HELLS: variants seen among roughly 807,000 people sequenced by gnomAD.
HELLS encodes the protein helicase, lymphoid specific.
A neutral mutation model predicts 120.0 loss-of-function variants in HELLS; 32 were observed. The ratio of observed to expected loss-of-function variants is 0.27; its 90% CI spans 0.20 to 0.36. The LOEUF (loss-of-function observed/expected upper bound fraction) is 0.36, where lower values mean the gene tolerates loss of function less well. Ranked by LOEUF, HELLS falls within the 10% of genes least tolerant of loss-of-function variation. The pLI, the probability that HELLS is intolerant of heterozygous loss-of-function variation, is 1.00. For synonymous variants in HELLS, 341 were observed against 323.4 expected (o/e 1.05, Z -0.58); for missense variants, 650 against 993.4 (o/e 0.65, Z 4.65).
chr10:94,549,263 T>C (rs1842873893), intron 2 of HELLS, among the ~76,000 whole-genome samples: 1 of 152,182 alleles, frequency 6.6e-6, no homozygotes, highest in African/African-American at 2.4e-5. Flanking sequence ...AGATTCCTTT[T>C]CTTTTGGGAG....
chr10:94,563,061 A>G (rs1163777617), intron 6 of HELLS, among the ~76,000 whole-genome samples, 185 bp downstream of exon 6: 10 of 152,000 alleles, frequency 6.6e-5, no homozygotes, highest in Non-Finnish European at 4.4e-5. Context: ...CCTACAGTAG[A>G]CTTGAGACTA....
intron 4 of HELLS, among the ~76,000 whole-genome samples, chr10:94,558,458 A>G (rs1179933298): frequency 6.6e-6 from 1 of 152,248 alleles, no homozygotes; most frequent in African/African-American, 2.4e-5. Flanking sequence ...TTAATTGGAA[A>G]GAATCTGCAA....
chr10:94,572,585 G>A (rs1195211979), intron 7 of HELLS, among the ~76,000 whole-genome samples: 1 of 152,142 alleles, frequency 6.6e-6, no homozygotes, highest in African/African-American at 2.4e-5. Context: ...CCTTATTGAT[G>A]GGCATTTGGG....
At chr10:94,607,610 G>T (rs1846141856) in intron 8 of HELLS, among the ~76,000 whole-genome samples, 1 of 152,166 alleles carries the variant, frequency 6.6e-6, no homozygotes, top group Non-Finnish European at 1.5e-5. Flanking sequence ...GTGTTAAGAG[G>T]TATGGTAAAG....
At chr10:94,552,553 C>G (rs575209316) in intron 2 of HELLS, among the ~76,000 whole-genome samples, 10 of 152,272 alleles carry the variant, frequency 6.6e-5, no homozygotes, top group Non-Finnish European at 1.2e-4. Context: ...TTGTTGTTTT[C>G]AGATATTACA....
In HELLS at chr10:94,545,868, C is replaced by A; in HGVS notation, c.-54C>A. On this transcript the variant is annotated 5_prime_UTR_variant, in exon 1 of 22. Transcript: ENST00000348459. ...GCAGCGGTTGTGAGGAGTTAGCTCGCGGCATTGCAGGCTCTGAGAGGAGGG... is the reference window on the plus strand; with the variant it reads ...GCAGCGGTTGTGAGGAGTTAGCTCGAGGCATTGCAGGCTCTGAGAGGAGGG... 1 of 1,542,808 alleles carries A rather than the reference C, an allele frequency of 6.5e-7. No homozygotes were observed. Among genetic ancestry groups the A allele is most frequent in the Admixed American group, 2.0e-5 (1 of 51,016 alleles).
intron 12 of HELLS, among the ~76,000 whole-genome samples, chr10:94,584,501 G>A (rs1845024774): frequency 6.6e-6 from 1 of 152,016 alleles, no homozygotes; most frequent in Admixed American, 6.5e-5. Context: ...GACTTATTTA[G>A]GAAGAGATGT....
chr10:94,550,915 C>G (rs1277958165), intron 2 of HELLS: 1 of 152,002 alleles, frequency 6.6e-6, no homozygotes, highest in Non-Finnish European at 1.5e-5. Context: ...AGTGCTAATT[C>G]TGTACAGGAT....
At chr10:94,552,949 T>C (rs1396187132) in intron 2 of HELLS, among the ~76,000 whole-genome samples, 1 of 152,138 alleles carries the variant, frequency 6.6e-6, no homozygotes, top group Admixed American at 6.6e-5. Context: ...AATTACAGCA[T>C]GAGACCATGC....
rs71031588 is a variant in HELLS, at chr10:94,575,771, TTGTGTGTGTGTGTG to T, written c.889-861_889-848del. On this transcript the variant is annotated intron_variant, in intron 9 of 21. Coordinates refer to ENST00000348459, the MANE Select transcript of HELLS (RefSeq NM_018063.5). ...TTTTTTGTTGGGGGGGGGGTTGTGT[TTGTGTGTGTGTGTG>T]TGTGTGTGTGTGTGTGTGTGTGTGT... Among the ~76,000 whole-genome samples the T allele has an allele frequency of 4.7e-3, 575 of 122,792 alleles. 4 individuals are homozygous for T. Among genetic ancestry groups the T allele is most frequent in the African/African-American group, 0.013 (434 of 32,280 alleles). The allele number at this position is 122,792 out of a possible 152,430, so 80.6% of individuals were successfully genotyped here.
chr10:94,588,531 C>T, intron 13 of HELLS, 141 bp downstream of exon 13: 2 of 506,980 alleles, frequency 3.9e-6, no homozygotes, highest in Non-Finnish European at 6.7e-6. Flanking sequence ...GCAGCCTTTA[C>T]CTGCCTGGCT....
chr10:94,607,647 C>T (rs948350497), intron 8 of HELLS, among the ~76,000 whole-genome samples: 4 of 151,920 alleles, frequency 2.6e-5, no homozygotes, highest in African/African-American at 7.3e-5. Context: ...TCCAAGCAAA[C>T]GTGTGATGAA....
At position 94,546,582 on chromosome 10, in the gene HELLS, T is replaced by C; in HGVS notation, c.153+84T>C. 2.0e-6 allele frequency: 3 copies of C among 1,508,398 alleles called. 1 individual carries two copies. The highest frequency in any genetic ancestry group is 2.7e-6 in the Non-Finnish European group (3 of 1,092,152). 93.4% of individuals were successfully genotyped at this position (1,508,398 alleles called of 1,614,324 possible). On this transcript the variant is annotated intron_variant, in intron 2 of 21. Coordinates refer to ENST00000348459, the MANE Select transcript of HELLS (RefSeq NM_018063.5). ...GGAGGTGTGGTTTGTGTTCTTTGCT[T>C]TCCTATTTAGTGGGCTTTTTAATAA... is the stretch of plus-strand genomic sequence containing the variant.
At position 94,566,036 on chromosome 10, in the gene HELLS, G is replaced by A. The variant is rs1290132507; in HGVS notation, c.435+3160G>A. ...CACTCCCCAGTAGCAGGGACTACAT[G>A]CCTGTGCCACCAGGCCTGGCTGATT... On this transcript the variant is annotated intron_variant, in intron 6 of 21. Coordinates refer to ENST00000348459, the MANE Select transcript of HELLS (RefSeq NM_018063.5). Among the ~76,000 whole-genome samples the A allele has an allele frequency of 6.6e-5, 10 of 152,152 alleles. No individual in the cohort carries two copies. The South Asian group carries it at 1.9e-3, about 28-fold the overall frequency.
intron 4 of HELLS, among the ~76,000 whole-genome samples, chr10:94,558,592 C>T (rs1261068868): frequency 6.6e-6 from 1 of 151,934 alleles, no homozygotes; most frequent in Non-Finnish European, 1.5e-5. Context: ...ATCATGTCTT[C>T]TCTTACTCTA....
At chr10:94,578,049 C>T (rs1463659908) in intron 10 of HELLS, among the ~76,000 whole-genome samples, 3 of 135,848 alleles carry the variant, frequency 2.2e-5, no homozygotes, top group Non-Finnish European at 3.0e-5. Flanking sequence ...CGGCCTGGGC[C>T]GACAGAGCGA....
chr10:94,596,642 G>T (rs1845754344), intron 19 of HELLS, among the ~76,000 whole-genome samples: 1 of 152,236 alleles, frequency 6.6e-6, no homozygotes, highest in Non-Finnish European at 1.5e-5. Context: ...CTTAGGGAGG[G>T]TGCGTGTTTA....
intron 2 of HELLS, among the ~76,000 whole-genome samples, chr10:94,550,239 AATTTTTCC>A (rs1842919074): frequency 6.7e-6 from 1 of 149,344 alleles, no homozygotes; most frequent in South Asian, 2.1e-4. Context: ...TTTTAGGAAA[AATTTTTCC>A]AGGAGCACCA....
chr10:94,555,876 C>T (rs1326875422), intron 3 of HELLS, among the ~76,000 whole-genome samples: 6 of 152,276 alleles, frequency 3.9e-5, no homozygotes, highest in Non-Finnish European at 8.8e-5. Flanking sequence ...ATCTGCTTAC[C>T]CTGGCCTCCC....
Sources: allele counts gnomAD v4.1 joint callset (sites outside exome capture counted in the v4.1 genomes callset), GRCh38; gene constraint gnomAD v4.1.1; transcripts MANE v1.5; gene names NCBI Gene and HGNC (gene_info 2026-07-23, HGNC 2026-07-21).